The following SLC14A2 variants were observed in gnomAD, a reference collection of about 807,000 sequenced individuals.
SLC14A2 encodes solute carrier family 14 member 2.
SLC14A2 carries 91 observed loss-of-function variants against 104.6 expected under a neutral mutation model. That is an observed-to-expected ratio of 0.87 (90% CI 0.73 to 1.04). The LOEUF (loss-of-function observed/expected upper bound fraction) is 1.04, where lower values mean the gene tolerates loss of function less well. Among genes scored for constraint, SLC14A2 ranks in the 50% least tolerant of loss-of-function variants. The pLI is 0.00. For missense variants in SLC14A2, 1,189 were observed against 1,156.0 expected (o/e 1.03, Z -0.41); for synonymous variants, 476 against 466.4 (o/e 1.02, Z -0.27).
chr18:45,300,688 A>G (rs1289217659), intron 1 of SLC14A2, among the ~76,000 whole-genome samples: 1 of 152,194 alleles, frequency 6.6e-6, no homozygotes, highest in Non-Finnish European at 1.5e-5. Flanking sequence ...TCTTTTAAGC[A>G]TTTTACATAC....
upstream of SLC14A2, among the ~76,000 whole-genome samples, chr18:45,211,699 A>C (rs2083963085): frequency 6.6e-6 from 1 of 152,146 alleles, no homozygotes; most frequent in Admixed American, 6.5e-5. Flanking sequence ...TTTGCCAGAC[A>C]CTGTGCTAAA....
At chr18:45,536,101 C>T (rs2043777342) in intron 2 of SLC14A2, among the ~76,000 whole-genome samples, 1 of 152,044 alleles carries the variant, frequency 6.6e-6, no homozygotes, top group African/African-American at 2.4e-5. Flanking sequence ...TCTTATTGTC[C>T]AGGAGGGCTT....
chr18:45,237,093 T>G (rs1174536755), intron 1 of SLC14A2, among the ~76,000 whole-genome samples: 3 of 152,112 alleles, frequency 2.0e-5, no homozygotes, highest in Non-Finnish European at 4.4e-5. Context: ...AGACACCAGC[T>G]CAGCCATAGA....
intron 1 of SLC14A2, among the ~76,000 whole-genome samples, chr18:45,361,647 A>G (rs993655889): frequency 6.6e-6 from 1 of 152,138 alleles, no homozygotes; most frequent in African/African-American, 2.4e-5. Flanking sequence ...GCCTGCACCC[A>G]AGGGACACTG....
chr18:45,337,237 A>C (rs2085346527), intron 1 of SLC14A2, among the ~76,000 whole-genome samples: 1 of 152,158 alleles, frequency 6.6e-6, no homozygotes, highest in Non-Finnish European at 1.5e-5. Flanking sequence ...AGAGGAGACC[A>C]ACATGCAAAG....
At chr18:45,654,105 G>A (rs1337386028) in intron 10 of SLC14A2, among the ~76,000 whole-genome samples, 1 of 150,438 alleles carries the variant, frequency 6.6e-6, no homozygotes, top group Non-Finnish European at 1.5e-5. Context: ...CCTCCCCAGG[G>A]AGTTTAGGAA....
At position 45,505,694 on chromosome 18, in the gene SLC14A2, C is replaced by T. The variant is rs768753241; in HGVS notation, c.-35+22372C>T. ...CTCGGCCCCCCGAGCACCCACACCA[C>T]GTGAGAACTCAGCTTCTCAGGAGAC... is the stretch of plus-strand genomic sequence containing the variant. On this transcript the variant is annotated intron_variant, in intron 2 of 20. Coordinates refer to the SLC14A2 transcript ENST00000586448. 6.6e-5 allele frequency among the ~76,000 whole-genome samples: 10 copies of T among 152,298 alleles called. 1 individual carries two copies. The highest frequency in any genetic ancestry group is 1.4e-4 in the African/African-American group (6 of 41,550).
At chr18:45,657,922 G>C (rs986162328) in intron 10 of SLC14A2, among the ~76,000 whole-genome samples, 4 of 152,140 alleles carry the variant, frequency 2.6e-5, no homozygotes, top group African/African-American at 9.7e-5. Context: ...CGCACACACA[G>C]AGAATAGCCT....
chr18:45,191,862 C>T, the SLC14A2 span, among the ~76,000 whole-genome samples: 15 of 152,108 alleles, frequency 9.9e-5, no homozygotes, highest in Non-Finnish European at 2.1e-4. Context: ...CCATATCTTG[C>T]CTCTGCAGAA....
the SLC14A2 span, among the ~76,000 whole-genome samples, chr18:45,199,565 C>G: frequency 1.3e-5 from 2 of 152,106 alleles, no homozygotes; most frequent in Non-Finnish European, 2.9e-5. Flanking sequence ...TTCACAGATA[C>G]TCATTTTAAA....
Position 45,637,017 on chromosome 18 carries a change from C to A in SLC14A2, c.678C>A (p.Ser226=). 6.2e-7 allele frequency: 1 copy of A among 1,614,126 alleles called. No homozygotes were observed. The highest frequency in any genetic ancestry group is 8.5e-7 in the Non-Finnish European group (1 of 1,179,990). The change falls in exon 6 of 20, where the codon TCC becomes TCA. Residue 226 remains serine (S), a synonymous_variant. Coordinates refer to ENST00000255226, the MANE Select transcript of SLC14A2 (RefSeq NM_007163.4). ...SCPVLSSALN[S]IFSKWDLPVF... ...CAGTTCTTTCTAGTGCCTTGAATTCCATCTTCAGCAAGTGGGACCTCCCGG... is the reference window on the plus strand; with the variant it reads ...CAGTTCTTTCTAGTGCCTTGAATTCAATCTTCAGCAAGTGGGACCTCCCGG...
chr18:45,627,555 A>G (rs2045279319), intron 4 of SLC14A2, among the ~76,000 whole-genome samples: 1 of 152,232 alleles, frequency 6.6e-6, no homozygotes, highest in South Asian at 2.1e-4. Context: ...CCTCTGAGTT[A>G]TAAAGGTTGC....
intron 1 of SLC14A2, among the ~76,000 whole-genome samples, chr18:45,337,674 A>G (rs1163270545): frequency 6.6e-6 from 1 of 152,182 alleles, no homozygotes; most frequent in Non-Finnish European, 1.5e-5. Flanking sequence ...GATCTCTATA[A>G]ATAAAATAGA....
intron 1 of SLC14A2, among the ~76,000 whole-genome samples, chr18:45,224,170 T>C (rs984228284): frequency 3.3e-5 from 5 of 152,240 alleles, no homozygotes; most frequent in African/African-American, 1.2e-4. Context: ...AAGAGGCTGC[T>C]GTGCAGTGTC....
chr18:45,175,963 A>G, the SLC14A2 span, among the ~76,000 whole-genome samples: 7 of 152,302 alleles, frequency 4.6e-5, no homozygotes, highest in South Asian at 8.3e-4. Context: ...CCATACGACA[A>G]TTCTCTGGCT....
chr18:45,668,056 G>A, intron 14 of SLC14A2, 34 bp downstream of exon 14: 1 of 1,596,868 alleles, frequency 6.3e-7, no homozygotes, highest in African/African-American at 1.3e-5. Context: ...CAAACATGTA[G>A]CCAAGAAGTC....
chr18:45,183,625 TTTTC>T, the SLC14A2 span, among the ~76,000 whole-genome samples: 1 of 150,822 alleles, frequency 6.6e-6, no homozygotes, highest in Non-Finnish European at 1.5e-5. Flanking sequence ...CATCTGAGCC[TTTTC>T]TTTCCTTTCT....
chr18:45,675,709 A>ATATTT (rs57989993), intron 18 of SLC14A2, among the ~76,000 whole-genome samples: 2 of 78,396 alleles, frequency 2.6e-5, no homozygotes, highest in Non-Finnish European at 4.8e-5. Context: ...ATATATATAT[A>ATATTT]TTTTTTTTTT....
At chr18:45,492,536 C>T (rs544204379) in intron 2 of SLC14A2, among the ~76,000 whole-genome samples, 23 of 152,214 alleles carry the variant, frequency 1.5e-4, no homozygotes, top group African/African-American at 5.1e-4. Flanking sequence ...AAGAAACTGC[C>T]CCCATAATCC....
Sources: gnomAD v4.1 joint callset for allele counts (sites outside exome capture counted in the v4.1 genomes callset) on GRCh38, gnomAD v4.1.1 for gene constraint, MANE v1.5 for transcripts, NCBI Gene and HGNC (gene_info 2026-07-23, HGNC 2026-07-21) for gene names.